Variants in MUC12 observed in about 807,000 individuals in gnomAD.
MUC12 encodes the protein mucin 12, cell surface associated.
A neutral mutation model predicts 230.8 loss-of-function variants in MUC12; 172 were observed. The ratio of observed to expected loss-of-function variants is 0.75; its 90% CI spans 0.66 to 0.85. The LOEUF (loss-of-function observed/expected upper bound fraction) is 0.85. Among genes scored for constraint, MUC12 ranks in the 40% least tolerant of loss-of-function variants. The probability of loss-of-function intolerance (pLI) is 0.00; values close to 1 mark genes in which losing one functional copy is unlikely to be tolerated. For synonymous variants in MUC12, 1,259 were observed against 2,401.9 expected, an observed-to-expected ratio of 0.52 and a Z score of 13.91; for missense variants, 3,506 against 5,920.6, an observed-to-expected ratio of 0.59 and a Z score of 13.38.
chr7:100,995,918 T>C lies in MUC12; in HGVS notation c.5355T>C (p.Pro1785=). 4.7e-6 allele frequency: 6 copies of C among 1,284,256 alleles called. No homozygotes were observed. The highest frequency in any genetic ancestry group is 1.3e-5 in the South Asian group (1 of 74,228). The allele number at this position is 1,284,256 out of a possible 1,614,324, so 79.6% of individuals were successfully genotyped here. ...SPGSTQTMHF[P]ESSTASGRSE... The stretch of plus-strand genomic sequence containing the variant: ...GCTCAACTCAAACAATGCACTTCCC[T>C]GAAAGCTCCACAGCTTCAGGTCGTA... Residue 1785 remains proline (P), a synonymous_variant, in exon 2 of 12, where the codon CCT becomes CCC. Coordinates refer to ENST00000536621, the MANE Select transcript of MUC12 (RefSeq NM_001164462.2).
Position 101,012,274 on chromosome 7 carries a change from A to G in MUC12, c.15252-22A>G, listed in dbSNP as rs901242003. 24 of 1,536,428 alleles carry G rather than the reference A, an allele frequency of 1.6e-5. No homozygotes were observed. In the African/African-American group the frequency reaches 3.0e-4, roughly 19 times the overall value. ...GGCTGGGTGGTGACATGGGTAACTG[A>G]TGAAACGATTCCCACTTCCAGCAAC... On this transcript the variant is annotated intron_variant, in intron 5 of 11. Transcript: ENST00000536621.
In MUC12 at chr7:100,993,166, A is replaced by AG; in HGVS notation, c.2603_2604insG (p.Asp868GlufsTer51). The AG allele has an allele frequency of 3.8e-6, 4 of 1,039,388 alleles. No homozygotes were observed. Among genetic ancestry groups the AG allele is most frequent in the Non-Finnish European group, 3.8e-6 (3 of 784,288 alleles). 64.4% of individuals were successfully genotyped at this position (1,039,388 alleles called of 1,614,324 possible). A position where few individuals can be genotyped will look rare whatever the true frequency, so the allele number is the denominator to read the frequency against. On this transcript the variant is annotated frameshift_variant, in exon 2 of 12. Coordinates refer to ENST00000536621, the MANE Select transcript of MUC12 (RefSeq NM_001164462.2). LOFTEE classifies it high-confidence loss of function. ...TCAACGCACACAACAGCATTCCCTG[A>AG]CAGCACCACCACGCCAGGCCTCAGT...
At chr7:100,978,645 G>T (rs907620427) in intron 1 of MUC12, among the ~76,000 whole-genome samples, 1 of 152,052 alleles carries the variant, frequency 6.6e-6, no homozygotes, top group African/African-American at 2.4e-5. Context: ...TTCATTGACT[G>T]ATTTTGTCAC....
chr7:100,991,887 A>T lies in MUC12; in HGVS notation c.1324A>T (p.Ser442Cys), dbSNP rs1253705901. 1 of 1,538,020 alleles carries T rather than the reference A, an allele frequency of 6.5e-7. No individual in the cohort carries two copies. Among genetic ancestry groups the T allele is most frequent in the Admixed American group, 2.0e-5 (1 of 51,014 alleles). The change falls in exon 2 of 12, where the codon AGC becomes TGC. Residue 442 changes from serine to cysteine, a missense_variant. By Grantham distance (112) the Ser-to-Cys change is moderately radical. Coordinates refer to ENST00000536621, the MANE Select transcript of MUC12 (RefSeq NM_001164462.2). Reference protein sequence around the residue: ...GRSEESKASHSSPDAMATTVL... With the variant: ...GRSEESKASHCSPDAMATTVL... ...TAGTGAGGAATCAAAAGCATCCCAC[A>T]GCAGCCCAGATGCAATGGCAACAAC...
chr7:101,003,746 C>G lies in MUC12; in HGVS notation c.13183C>G (p.Pro4395Ala). The change falls in exon 2 of 12, where the codon CCC (proline) becomes GCC (alanine). Residue 4395 changes from proline to alanine, a missense_variant. Physicochemically the swap from Pro to Ala is conservative, Grantham distance 27. Transcript: ENST00000536621. ...HSSPVATATT[P>A]SPARSTTSGL... ...CAGCCCAGTTGCAACTGCAACAACACCCTCGCCTGCCCGCTCCACAACCTC... is the reference window on the plus strand; with the variant it reads ...CAGCCCAGTTGCAACTGCAACAACAGCCTCGCCTGCCCGCTCCACAACCTC... The G allele has an allele frequency of 6.7e-7, 1 of 1,502,134 alleles. No homozygotes were observed. The highest frequency in any genetic ancestry group is 8.8e-7 in the Non-Finnish European group (1 of 1,133,740). 93.1% of individuals were successfully genotyped at this position (1,502,134 alleles called of 1,614,324 possible). A position where few individuals can be genotyped will look rare whatever the true frequency, so the allele number is the denominator to read the frequency against.
chr7:101,009,036 T>A (rs12540832), intron 4 of MUC12, 59 bp from the exon 5 acceptor site: 3 of 1,517,618 alleles, frequency 2.0e-6, no homozygotes, highest in Non-Finnish European at 8.8e-7. Context: ...TCAAGAAGGG[T>A]AACAGGAGAG....
Position 101,004,833 on chromosome 7 carries a change from T to G in MUC12, c.14270T>G (p.Met4757Arg). ...SPDQTLSPAS[M>R]TSSSISGEPT... ...GACCAAACACTCTCACCTGCCAGCA[T>G]GACAAGCTCCAGCATCAGTGGAGAA... The change falls in exon 2 of 12, where the codon ATG (methionine) becomes AGG (arginine). Residue 4757 changes from methionine (M) to arginine (R), a missense_variant. Coordinates refer to ENST00000536621, the MANE Select transcript of MUC12 (RefSeq NM_001164462.2). The G allele has an allele frequency of 6.5e-7, 1 of 1,536,846 alleles. No individual in the cohort carries two copies. The highest frequency in any genetic ancestry group is 8.7e-7 in the Non-Finnish European group (1 of 1,146,412).
chr7:101,005,353 TGGA>T lies in MUC12; in HGVS notation c.14792_14794del (p.Gly4931del). ...CCCGCTCCACAGCCTCAGACCTTGTTGGAGAACCTACAACTTTCTACATCAGCC... is the reference window on the plus strand; with the variant it reads ...CCCGCTCCACAGCCTCAGACCTTGTTGAACCTACAACTTTCTACATCAGCC... On this transcript the variant is annotated inframe_deletion, in exon 2 of 12. Transcript: ENST00000536621. 1 of 1,537,962 alleles carries T rather than the reference TGGA, an allele frequency of 6.5e-7. No homozygotes were observed. Among genetic ancestry groups the T allele is most frequent in the Non-Finnish European group, 8.7e-7 (1 of 1,147,076 alleles).
intron 3 of MUC12, among the ~76,000 whole-genome samples, chr7:101,008,283 T>A (rs1793788171): frequency 6.6e-6 from 1 of 151,996 alleles, no homozygotes; most frequent in Admixed American, 6.6e-5. Flanking sequence ...TGCACTACCA[T>A]GCCTGGTTAA....
At chr7:101,013,198 C>T in intron 8 of MUC12, 56 bp downstream of exon 8, 7 of 1,524,040 alleles carry the variant, frequency 4.6e-6, no homozygotes, top group South Asian at 1.2e-5. Context: ...GGCCCTCCCC[C>T]TCCCCAGCAG....
At chr7:100,987,515 T>C (rs1793209652) in intron 1 of MUC12, among the ~76,000 whole-genome samples, 1 of 152,162 alleles carries the variant, frequency 6.6e-6, no homozygotes, top group African/African-American at 2.4e-5. Context: ...CTTTGAATAT[T>C]TGTCCTCACC....
chr7:101,012,464 C>T lies in MUC12; in HGVS notation c.15403+17C>T, dbSNP rs1232530337. On this transcript the variant is annotated intron_variant, in intron 6 of 11. Transcript: ENST00000536621. ...CCTGCAGAAGTAAGCTCACCTAAAA[C>T]CCCTTGACACCTGTGGGTGTCTTGG... 7.2e-6 allele frequency: 11 copies of T among 1,537,206 alleles called. No individual in the cohort carries two copies. The highest frequency in any genetic ancestry group is 8.7e-6 in the Non-Finnish European group (10 of 1,146,688).
chr7:101,013,792 G>A lies in MUC12; in HGVS notation c.15639-121G>A, dbSNP rs551143560. The A allele has an allele frequency of 9.0e-6, 11 of 1,218,974 alleles. No homozygotes were observed. The South Asian group carries it at 1.6e-4, about 18-fold the overall frequency. 75.5% of individuals were successfully genotyped at this position (1,218,974 alleles called of 1,614,324 possible). A position where few individuals can be genotyped will look rare whatever the true frequency, so the allele number is the denominator to read the frequency against. On this transcript the variant is annotated intron_variant, in intron 8 of 11. Coordinates refer to ENST00000536621, the MANE Select transcript of MUC12 (RefSeq NM_001164462.2). ...CAGGGACCCAGGCTCTCTGGGGGCT[G>A]AGCTCCAGCCGTTGGAGTGAGGGAG...
rs1420787082 is a variant in MUC12 at position 100,992,056 on chromosome 7, G to T, written c.1493G>T (p.Ser498Ile). Reference protein sequence around the residue: ...GLSEKSTTFYSSPRSPDTTHL... With the variant: ...GLSEKSTTFYISPRSPDTTHL... The stretch of plus-strand genomic sequence containing the variant: ...AGTGAGAAATCTACCACTTTCTACA[G>T]TAGCCCCAGATCACCAGACACAACA... The change falls in exon 2 of 12, where the codon AGT becomes ATT. Residue 498 changes from serine to isoleucine, a missense_variant. Ser to Ile is a moderately radical substitution (Grantham distance 142). Coordinates refer to ENST00000536621, the MANE Select transcript of MUC12 (RefSeq NM_001164462.2). 4.6e-6 allele frequency: 7 copies of T among 1,537,980 alleles called. No homozygotes were observed. The Middle Eastern group carries it at 1.0e-3, about 220-fold the overall frequency.
intron 1 of MUC12, among the ~76,000 whole-genome samples, chr7:100,970,780 G>A (rs576561729): frequency 2.2e-4 from 34 of 152,116 alleles, no homozygotes; most frequent in East Asian, 1.8e-3. Context: ...GGCGGATCAC[G>A]AGGTCAGGAG....
rs939651328 is a variant in MUC12 at position 101,012,092 on chromosome 7, A to T, written c.15252-204A>T. Reference sequence around the variant, plus strand: ...TGAATTTCACTCATTGGCATTTATCATGATCACTGATATGTGAGATCTTGA... The same window carrying T: ...TGAATTTCACTCATTGGCATTTATCTTGATCACTGATATGTGAGATCTTGA... On this transcript the variant is annotated intron_variant, in intron 5 of 11. Transcript: ENST00000536621. Among the ~76,000 whole-genome samples the T allele has an allele frequency of 2.6e-5, 4 of 152,296 alleles. No homozygotes were observed. The East Asian group carries it at 7.7e-4, about 29-fold the overall frequency.
chr7:101,008,211 C>T (rs112348912), intron 3 of MUC12, among the ~76,000 whole-genome samples: 3 of 152,068 alleles, frequency 2.0e-5, no homozygotes, highest in East Asian at 3.9e-4. Context: ...ACCACAGCCT[C>T]GAACTCCTGG....
intron 3 of MUC12, among the ~76,000 whole-genome samples, chr7:101,007,118 C>T (rs1793766397): frequency 6.6e-6 from 1 of 152,086 alleles, no homozygotes; most frequent in African/African-American, 2.4e-5. Context: ...GCCACCATGC[C>T]TGGCTAATTT....
In MUC12 at chr7:101,018,626, C is replaced by A; in HGVS notation, c.15998C>A (p.Ser5333Tyr). The stretch of plus-strand genomic sequence containing the variant: ...ATCCAGAGGCCGGAGATGGTAGCAT[C>A]CACTGTGTGAGCCAACGGGGGCCTC... Reference protein sequence around the residue: ...LHIQRPEMVASTV With the variant: ...LHIQRPEMVAYTV Residue 5333 changes from serine to tyrosine, a missense_variant, in exon 12 of 12, where the codon TCC becomes TAC. Coordinates refer to ENST00000536621, the MANE Select transcript of MUC12 (RefSeq NM_001164462.2). The A allele has an allele frequency of 6.5e-7, 1 of 1,536,122 alleles. No individual in the cohort carries two copies. The highest frequency in any genetic ancestry group is 8.7e-7 in the Non-Finnish European group (1 of 1,146,260).
Sources: allele counts gnomAD v4.1 joint callset (sites outside exome capture counted in the v4.1 genomes callset), GRCh38; gene constraint gnomAD v4.1.1; transcripts MANE v1.5; gene names NCBI Gene and HGNC (gene_info 2026-07-23, HGNC 2026-07-21).